The following PCDHA13 variants were observed in gnomAD, a reference collection of about 807,000 sequenced individuals.
PCDHA13 encodes the protein protocadherin alpha 13, also known as protocadherin alpha-13.
A neutral mutation model predicts 64.8 loss-of-function variants in PCDHA13; 54 were observed. The observed-to-expected ratio is 0.83, with a 90% CI of 0.67 to 1.04. The LOEUF (loss-of-function observed/expected upper bound fraction) is 1.04, where lower values mean the gene tolerates loss of function less well. PCDHA13 is among the 50% of genes least tolerant of loss of function. The pLI is 0.00. For synonymous variants in PCDHA13, 587 were observed against 564.4 expected, an observed-to-expected ratio of 1.04 and a Z score of -0.57; for missense variants, 1,248 against 1,254.3, an observed-to-expected ratio of 0.99 and a Z score of 0.08.
At chr5:140,903,916 T>C (rs1192195691) in intron 1 of PCDHA13, among the ~76,000 whole-genome samples, 1 of 152,260 alleles carries the variant, frequency 6.6e-6, no homozygotes, top group African/African-American at 2.4e-5. Flanking sequence ...TGTGACTTCC[T>C]TGCTGCATTG....
At chr5:140,994,188 G>T (rs1156320589) in intron 3 of PCDHA13, among the ~76,000 whole-genome samples, 1 of 152,080 alleles carries the variant, frequency 6.6e-6, no homozygotes, top group Non-Finnish European at 1.5e-5. Flanking sequence ...AAACCACCAG[G>T]GCCTGTTGGT....
Position 140,929,116 on chromosome 5 carries a change from A to G in PCDHA13, c.2394+44454A>G, listed in dbSNP as rs535394812. The G allele has an allele frequency of 2.9e-5, 47 of 1,614,170 alleles. No homozygotes were observed. The East Asian group carries it at 8.9e-4, about 31-fold the overall frequency. Reference sequence around the variant, plus strand: ...AAATCCTTGCATGACATCAGCCACCATAGATGTCACTACAGTTGAGAGACT... The same window carrying G: ...AAATCCTTGCATGACATCAGCCACCGTAGATGTCACTACAGTTGAGAGACT... On this transcript the variant is annotated intron_variant, in intron 1 of 3. Coordinates refer to ENST00000289272, the MANE Select transcript of PCDHA13 (RefSeq NM_018904.3).
At chr5:140,895,880 C>T (rs564030159) in intron 1 of PCDHA13, among the ~76,000 whole-genome samples, 4 of 152,240 alleles carry the variant, frequency 2.6e-5, no homozygotes, top group East Asian at 3.9e-4. Flanking sequence ...GGCGCGATCT[C>T]GGCTCACTGC....
chr5:140,882,280 C>T lies in PCDHA13; in HGVS notation c.12C>T (p.Ser4=), dbSNP rs531486554. The change falls in exon 1 of 4, where the codon TCC becomes TCT. Residue 4 remains serine (S), a synonymous_variant. Transcript: ENST00000289272. MLS[S]WQGGPRPRQL... ...TTTTGGAGTGTACCATGCTGTCTTCCTGGCAAGGAGGCCCAAGACCGCGGC... is the reference window on the plus strand; with the variant it reads ...TTTTGGAGTGTACCATGCTGTCTTCTTGGCAAGGAGGCCCAAGACCGCGGC... 1.0e-4 allele frequency: 164 copies of T among 1,612,564 alleles called. 4 individuals are homozygous for T. The South Asian group carries it at 1.7e-3, about 16-fold the overall frequency.
chr5:140,922,049 T>G (rs1368623726), intron 1 of PCDHA13, among the ~76,000 whole-genome samples: 1 of 152,066 alleles, frequency 6.6e-6, no homozygotes, highest in African/African-American at 2.4e-5. Context: ...CCCACATACC[T>G]TCAAAATGTA....
intron 1 of PCDHA13, among the ~76,000 whole-genome samples, chr5:140,891,210 G>A (rs2062986388): frequency 1.3e-5 from 2 of 152,180 alleles, no homozygotes; most frequent in South Asian, 4.1e-4. Context: ...TTACCATGCT[G>A]TGTCTTTATA....
intron 1 of PCDHA13, chr5:140,929,690 C>T (rs921103809): frequency 1.4e-5 from 4 of 278,364 alleles, no homozygotes; most frequent in Non-Finnish European, 2.8e-5. Context: ...TAAGAGTCTG[C>T]TTTATATGAA....
chr5:140,967,762 G>A, intron 1 of PCDHA13: 1 of 1,614,216 alleles, frequency 6.2e-7, no homozygotes, highest in Non-Finnish European at 8.5e-7. Flanking sequence ...CCTCCTACCA[G>A]ATCTATGTGC....
intron 1 of PCDHA13, among the ~76,000 whole-genome samples, chr5:140,895,416 C>A (rs2065002617): frequency 6.6e-6 from 1 of 152,168 alleles, no homozygotes; most frequent in South Asian, 2.1e-4. Context: ...CCATAACCTT[C>A]TTTTGCTTCC....
In PCDHA13 at chr5:141,011,632, C is replaced by T. The variant is rs1333162247; in HGVS notation, c.*1695C>T. Reference sequence around the variant, plus strand: ...TTTATGGTCCAGCCAAGAGCCATCTCGTGCCAAGACTTCTGCTGGCAAGGG... The same window carrying T: ...TTTATGGTCCAGCCAAGAGCCATCTTGTGCCAAGACTTCTGCTGGCAAGGG... On this transcript the variant is annotated 3_prime_UTR_variant, in exon 4 of 4. Transcript: ENST00000289272. The T allele has an allele frequency of 1.3e-5, 2 of 153,656 alleles. No homozygotes were observed. The highest frequency in any genetic ancestry group is 4.8e-5 in the African/African-American group (2 of 41,412). 9.5% of individuals were successfully genotyped at this position (153,656 alleles called of 1,614,324 possible).
intron 1 of PCDHA13, among the ~76,000 whole-genome samples, chr5:140,961,888 T>G (rs1361187779): frequency 4.0e-5 from 5 of 124,944 alleles, no homozygotes; most frequent in Non-Finnish European, 7.9e-5. Context: ...CTTACATCAG[T>G]TTTTTTTTTT....
chr5:140,969,372 T>G, intron 1 of PCDHA13: 1 of 1,606,704 alleles, frequency 6.2e-7, no homozygotes, highest in Non-Finnish European at 8.5e-7. Context: ...ACTCATGCAT[T>G]TGTTACACAT....
chr5:140,949,528 A>G (rs2094388709), intron 1 of PCDHA13, among the ~76,000 whole-genome samples: 1 of 151,854 alleles, frequency 6.6e-6, no homozygotes, highest in Non-Finnish European at 1.5e-5. Context: ...TTTTATCTTC[A>G]TAAAATATCG....
Position 140,949,482 on chromosome 5 carries a change from A to G in PCDHA13, c.2395-29467A>G, listed in dbSNP as rs1435722195. Among the ~76,000 whole-genome samples, 4 of 151,834 alleles carry G rather than the reference A, an allele frequency of 2.6e-5. No homozygotes were observed. The South Asian group carries it at 8.3e-4, about 31-fold the overall frequency. ...TGAAGCCCTGTTATTAGGCACACACATTGATGATTATTATAATTTCCTGAT... is the reference window on the plus strand; with the variant it reads ...TGAAGCCCTGTTATTAGGCACACACGTTGATGATTATTATAATTTCCTGAT... On this transcript the variant is annotated intron_variant, in intron 1 of 3. Transcript: ENST00000289272.
At chr5:140,909,907 A>C (rs1554194005) in intron 1 of PCDHA13, among the ~76,000 whole-genome samples, 1 of 152,168 alleles carries the variant, frequency 6.6e-6, no homozygotes, top group African/African-American at 2.4e-5. Flanking sequence ...CTGAAATGGC[A>C]ATCATTTCCC....
At chr5:140,908,493 G>A (rs545927854) in intron 1 of PCDHA13, among the ~76,000 whole-genome samples, 1 of 152,152 alleles carries the variant, frequency 6.6e-6, no homozygotes, top group African/African-American at 2.4e-5. Flanking sequence ...AGTTCAGGTT[G>A]CTTGGTGACT....
intron 1 of PCDHA13, among the ~76,000 whole-genome samples, chr5:140,976,124 C>G (rs1554237320): frequency 6.6e-6 from 1 of 152,158 alleles, no homozygotes. Flanking sequence ...CAAGTTTAAT[C>G]AAGTTCTGGA....
chr5:140,969,205 C>G (rs1046509500), intron 1 of PCDHA13: 6 of 1,614,130 alleles, frequency 3.7e-6, no homozygotes, highest in East Asian at 2.2e-5. Context: ...ATACAGGGGC[C>G]CAGACAGGAC....
rs201793837 is a variant in PCDHA13 at position 141,003,710 on chromosome 5, A to G, written c.2543-5917A>G. Among the ~76,000 whole-genome samples, 7 of 152,316 alleles carry G rather than the reference A, an allele frequency of 4.6e-5. No homozygotes were observed. The East Asian group carries it at 1.2e-3, about 25-fold the overall frequency. On this transcript the variant is annotated intron_variant, in intron 3 of 3. Transcript: ENST00000289272. ...AAATATATCCCTACCAATTGTGAAG[A>G]TATCGGCTAATCCAATAAAAAAGCA... is the stretch of plus-strand genomic sequence containing the variant.
Sources: allele counts gnomAD v4.1 joint callset (sites outside exome capture counted in the v4.1 genomes callset), GRCh38; gene constraint gnomAD v4.1.1; transcripts MANE v1.5; gene names NCBI Gene and HGNC (gene_info 2026-07-23, HGNC 2026-07-21).